Variants in NRXN1 observed in about 807,000 individuals in gnomAD.
NRXN1 encodes neurexin 1.
In NRXN1, 39 loss-of-function variants were observed where a neutral mutation model predicts 150.9. The observed-to-expected ratio is 0.26, with a 90% CI of 0.20 to 0.34. The LOEUF is 0.34. Ranked by LOEUF, NRXN1 falls within the 10% of genes least tolerant of loss-of-function variation. The pLI, the probability that NRXN1 is intolerant of heterozygous loss-of-function variation, is 1.00. For synonymous variants in NRXN1, 924 were observed against 757.0 expected, an observed-to-expected ratio of 1.22 and a Z score of -3.62; for missense variants, 1,815 against 1,949.9, an observed-to-expected ratio of 0.93 and a Z score of 1.30.
At chr2:50,974,086 CCAAA>C (rs994813780) in intron 2 of NRXN1, among the ~76,000 whole-genome samples, 11 of 152,178 alleles carry the variant, frequency 7.2e-5, no homozygotes, top group Non-Finnish European at 1.5e-4. Context: ...TCCAAGTTTC[CCAAA>C]CAGAGATCAA....
intron 18 of NRXN1, among the ~76,000 whole-genome samples, chr2:50,221,463 T>C (rs2063882259): frequency 6.6e-6 from 1 of 152,018 alleles, no homozygotes; most frequent in African/African-American, 2.4e-5. Flanking sequence ...AATTTTTACA[T>C]TGTATTAGTA....
intron 21 of NRXN1, among the ~76,000 whole-genome samples, chr2:49,963,215 G>A (rs12621581): frequency 0.4 from 61,239 of 151,900 alleles, 12,649 homozygotes; most frequent in South Asian, 0.53. Flanking sequence ...CACAGAATTC[G>A]GTGAATTTTC....
chr2:50,997,518 T>G (rs1163896795), intron 2 of NRXN1, among the ~76,000 whole-genome samples: 6 of 142,052 alleles, frequency 4.2e-5, no homozygotes, highest in Non-Finnish European at 1.5e-5. Flanking sequence ...TTTATTTTAT[T>G]TATTTTATAG....
At chr2:50,903,985 C>G (rs919134215) in intron 5 of NRXN1, among the ~76,000 whole-genome samples, 3 of 152,034 alleles carry the variant, frequency 2.0e-5, no homozygotes, top group Non-Finnish European at 4.4e-5. Context: ...TGGGAGAAAG[C>G]CCAATGTTAA....
At chr2:49,984,334 T>G (rs932837458) in intron 21 of NRXN1, among the ~76,000 whole-genome samples, 2 of 152,048 alleles carry the variant, frequency 1.3e-5, no homozygotes, top group Non-Finnish European at 2.9e-5. Context: ...TTCATTCTAG[T>G]AAAATCACTA....
At chr2:50,085,004 AGAT>A (rs1305595813) in intron 19 of NRXN1, among the ~76,000 whole-genome samples, 3 of 146,956 alleles carry the variant, frequency 2.0e-5, no homozygotes, top group African/African-American at 4.9e-5. Context: ...CTGTGAAAAA[AGAT>A]AATTAAACAG....
intron 12 of NRXN1, among the ~76,000 whole-genome samples, chr2:50,510,912 G>C (rs1359545904): frequency 4.6e-5 from 7 of 152,218 alleles, no homozygotes; most frequent in African/African-American, 1.7e-4. Context: ...AAGAATTTTA[G>C]AACTAGGAGG....
intron 17 of NRXN1, among the ~76,000 whole-genome samples, chr2:50,395,802 G>C (rs1440902125): frequency 1.3e-5 from 2 of 152,114 alleles, no homozygotes; most frequent in African/African-American, 4.8e-5. Context: ...CCAGACAGCT[G>C]TTAAGTGGAG....
At chr2:50,255,710 T>C (rs1044391044) in intron 17 of NRXN1, among the ~76,000 whole-genome samples, 3 of 152,190 alleles carry the variant, frequency 2.0e-5, no homozygotes, top group African/African-American at 7.2e-5. Context: ...TTTAAAAATT[T>C]TAATTCATTT....
In NRXN1 at chr2:50,128,419, T is replaced by A. The variant is rs368712119; in HGVS notation, c.3547-36925A>T. ...AAGTATTCGAACTAAAATAATATCATCAGGAAACATGTGAGTAAAAGAAGG... is the reference window on the plus strand; with the variant it reads ...AAGTATTCGAACTAAAATAATATCAACAGGAAACATGTGAGTAAAAGAAGG... On this transcript the variant is annotated intron_variant, in intron 18 of 22. Transcript: ENST00000401669. Among the ~76,000 whole-genome samples the A allele has an allele frequency of 3.3e-5, 5 of 152,182 alleles. No homozygotes were observed. The East Asian group carries it at 7.7e-4, about 23-fold the overall frequency.
intron 5 of NRXN1, among the ~76,000 whole-genome samples, chr2:50,668,675 A>G (rs775786473): frequency 6.6e-6 from 1 of 151,930 alleles, no homozygotes; most frequent in Non-Finnish European, 1.5e-5. Flanking sequence ...AAATATCATC[A>G]TTTTGGCGGG....
intron 5 of NRXN1, among the ~76,000 whole-genome samples, chr2:50,733,883 C>T (rs1285182723): frequency 1.3e-5 from 2 of 152,074 alleles, no homozygotes; most frequent in Non-Finnish European, 2.9e-5. Context: ...CTTCTAACTA[C>T]CTAAAAACTC....
chr2:50,476,907 T>C (rs2090037849), intron 15 of NRXN1, among the ~76,000 whole-genome samples: 1 of 152,174 alleles, frequency 6.6e-6, no homozygotes, highest in Non-Finnish European at 1.5e-5. Flanking sequence ...AAAAACTCTA[T>C]GAAGCCCAAG....
At chr2:51,006,934 T>C (rs1190849246) in intron 2 of NRXN1, among the ~76,000 whole-genome samples, 1 of 151,950 alleles carries the variant, frequency 6.6e-6, no homozygotes, top group Non-Finnish European at 1.5e-5. Flanking sequence ...TTCATCACTC[T>C]GTATCGTGGC....
chr2:50,340,270 C>T (rs1274972621), intron 17 of NRXN1, among the ~76,000 whole-genome samples: 3 of 152,166 alleles, frequency 2.0e-5, no homozygotes, highest in Non-Finnish European at 4.4e-5. Flanking sequence ...ATGTGATCAA[C>T]ACTGAACAAT....
At chr2:50,921,422 C>G (rs2104273677) in intron 5 of NRXN1, among the ~76,000 whole-genome samples, 1 of 151,846 alleles carries the variant, frequency 6.6e-6, no homozygotes, top group Middle Eastern at 3.4e-3. Context: ...TGACACCTAG[C>G]AGACAACAAG....
chr2:50,080,240 G>T (rs1055406473), intron 19 of NRXN1, among the ~76,000 whole-genome samples: 1 of 152,086 alleles, frequency 6.6e-6, no homozygotes, highest in African/African-American at 2.4e-5. Context: ...CACATTCGCA[G>T]AACTTTTATT....
chr2:50,636,042 C>G (rs1376302899), intron 5 of NRXN1, among the ~76,000 whole-genome samples: 1 of 152,038 alleles, frequency 6.6e-6, no homozygotes, highest in African/African-American at 2.4e-5. Context: ...AAAAAATCAG[C>G]TTTTTACCAA....
At chr2:50,395,103 A>G (rs931962035) in intron 17 of NRXN1, among the ~76,000 whole-genome samples, 1 of 151,976 alleles carries the variant, frequency 6.6e-6, no homozygotes, top group Non-Finnish European at 1.5e-5. Flanking sequence ...TATTATACTC[A>G]CATCATATTA....
Sources: allele counts gnomAD v4.1 joint callset (sites outside exome capture counted in the v4.1 genomes callset), GRCh38; gene constraint gnomAD v4.1.1; transcripts MANE v1.5; gene names NCBI Gene and HGNC (gene_info 2026-07-23, HGNC 2026-07-21).